ITGBL1: variants seen among roughly 807,000 people sequenced by gnomAD.
ITGBL1 encodes the protein integrin beta-like protein 1.
A neutral mutation model predicts 68.5 loss-of-function variants in ITGBL1; 51 were observed. The ratio of observed to expected loss-of-function variants is 0.74; its 90% CI spans 0.59 to 0.94. The LOEUF (loss-of-function observed/expected upper bound fraction) is 0.94. Ranked by LOEUF, ITGBL1 falls within the 40% of genes least tolerant of loss-of-function variation. The pLI is 0.00. For synonymous variants in ITGBL1, 209 were observed against 227.3 expected (o/e 0.92, Z 0.72); for missense variants, 649 against 647.4 (o/e 1.00, Z -0.03).
Position 101,555,319 on chromosome 13 carries a change from AAT to A in ITGBL1, c.317-12378_317-12377del, listed in dbSNP as rs138996460. 8.9e-3 allele frequency among the ~76,000 whole-genome samples: 1,356 copies of A among 152,314 alleles called. 16 individuals are homozygous for A. The highest frequency in any genetic ancestry group is 0.031 in the African/African-American group (1,284 of 41,568). ...TATGTTGTGCACATAAAATGTACAA[AAT>A]AACCATTTTTAAAGATAAAACAAAA... is the stretch of plus-strand genomic sequence containing the variant. On this transcript the variant is annotated intron_variant, in intron 2 of 10. Transcript: ENST00000376180.
chr13:101,547,942 T>G (rs9518440), intron 2 of ITGBL1, among the ~76,000 whole-genome samples: 1 of 151,336 alleles, frequency 6.6e-6, no homozygotes, highest in Non-Finnish European at 1.5e-5. Flanking sequence ...TATACACACA[T>G]GTATATACAC....
intron 5 of ITGBL1, among the ~76,000 whole-genome samples, chr13:101,580,117 AAG>A (rs1237150264): frequency 2.0e-5 from 3 of 152,172 alleles, no homozygotes; most frequent in Admixed American, 6.5e-5. Context: ...TGTAGTGATA[AAG>A]AGAGCCATAC....
intron 9 of ITGBL1, among the ~76,000 whole-genome samples, chr13:101,708,031 ACACAC>A (rs1338147573): frequency 7.8e-5 from 5 of 63,922 alleles, no homozygotes; most frequent in Non-Finnish European, 1.7e-4. Flanking sequence ...ATGCAAACAC[ACACAC>A]ACACACACAC....
At chr13:101,517,996 G>A (rs1014295213) in intron 2 of ITGBL1, among the ~76,000 whole-genome samples, 2 of 152,152 alleles carry the variant, frequency 1.3e-5, no homozygotes, top group African/African-American at 4.8e-5. Flanking sequence ...ATGGCATGAC[G>A]TGAGCTGGTG....
intron 5 of ITGBL1, among the ~76,000 whole-genome samples, chr13:101,581,975 A>C (rs2050465461): frequency 6.6e-6 from 1 of 152,150 alleles, no homozygotes; most frequent in African/African-American, 2.4e-5. Flanking sequence ...TTCTAAAATA[A>C]TTGCCAATCA....
chr13:101,667,479 A>AG (rs965699993), intron 7 of ITGBL1, among the ~76,000 whole-genome samples: 9 of 144,500 alleles, frequency 6.2e-5, no homozygotes, highest in South Asian at 2.1e-4. Context: ...TTTAACACTG[A>AG]GAAAAAAAAA....
At chr13:101,581,301 A>T (rs1380062453) in intron 5 of ITGBL1, among the ~76,000 whole-genome samples, 1 of 152,188 alleles carries the variant, frequency 6.6e-6, no homozygotes, top group African/African-American at 2.4e-5. Flanking sequence ...CCTCCTGACC[A>T]AACTCATTTA....
chr13:101,517,372 A>C (rs144255676), intron 2 of ITGBL1, among the ~76,000 whole-genome samples: 5 of 152,296 alleles, frequency 3.3e-5, no homozygotes, highest in African/African-American at 1.2e-4. Flanking sequence ...AAAATATAAA[A>C]TTTAACTTAG....
chr13:101,596,043 ATG>A (rs750907314), intron 6 of ITGBL1, among the ~76,000 whole-genome samples: 301 of 28,178 alleles, frequency 0.011, 1 homozygote, highest in African/African-American at 0.02. Context: ...ATATTTACAT[ATG>A]TGTGTGTGTG....
chr13:101,718,216 G>A (rs1317517038), downstream of ITGBL1: 1 of 152,078 alleles, frequency 6.6e-6, no homozygotes, highest in Non-Finnish European at 1.5e-5. Context: ...TGTCCACTAT[G>A]TTTGTGTGTA....
intron 2 of ITGBL1, among the ~76,000 whole-genome samples, chr13:101,542,384 C>T (rs2049724346): frequency 6.6e-6 from 1 of 152,142 alleles, no homozygotes; most frequent in South Asian, 2.1e-4. Context: ...GTTTCTTAAT[C>T]CTGAGTTCTA....
At chr13:101,458,768 A>T (rs1437957391) in intron 2 of ITGBL1, among the ~76,000 whole-genome samples, 1 of 152,188 alleles carries the variant, frequency 6.6e-6, no homozygotes, top group Non-Finnish European at 1.5e-5. Context: ...GTTATACTGT[A>T]TGTTAGTTGT....
At chr13:101,670,365 C>A (rs920381931) in intron 7 of ITGBL1, among the ~76,000 whole-genome samples, 2 of 152,058 alleles carry the variant, frequency 1.3e-5, no homozygotes, top group African/African-American at 4.8e-5. Flanking sequence ...GCAGGAGGTT[C>A]GTGTTTGTGT....
intron 7 of ITGBL1, among the ~76,000 whole-genome samples, chr13:101,606,174 T>TTATATATATATATATATATATATA (rs4000927): frequency 5.8e-5 from 8 of 138,038 alleles, no homozygotes; most frequent in African/African-American, 2.2e-4. Flanking sequence ...ATTAGGATTT[T>TTATATATATATATATATATATATA]TATATATATA....
chr13:101,479,780 T>G (rs1245642625), intron 2 of ITGBL1, among the ~76,000 whole-genome samples: 1 of 152,052 alleles, frequency 6.6e-6, no homozygotes, highest in Non-Finnish European at 1.5e-5. Flanking sequence ...CCAGTTAAAG[T>G]GGCTTTAATC....
At chr13:101,689,318 G>A (rs1468380377) in intron 7 of ITGBL1, among the ~76,000 whole-genome samples, 2 of 151,736 alleles carry the variant, frequency 1.3e-5, no homozygotes, top group Non-Finnish European at 2.9e-5. Context: ...CACAGATTTG[G>A]TGAAGTTTTC....
chr13:101,522,606 A>T (rs73570525), intron 2 of ITGBL1, among the ~76,000 whole-genome samples: 144 of 152,304 alleles, frequency 9.5e-4, no homozygotes, highest in African/African-American at 3.2e-3. Context: ...CTCTAAGAAA[A>T]ATTCGATGTG....
chr13:101,679,719 G>T (rs1348085261), intron 7 of ITGBL1, among the ~76,000 whole-genome samples: 1 of 152,124 alleles, frequency 6.6e-6, no homozygotes, highest in Admixed American at 6.5e-5. Flanking sequence ...TGGTGTTGTT[G>T]TAGAAGCCAT....
intron 7 of ITGBL1, among the ~76,000 whole-genome samples, chr13:101,669,012 A>G (rs903800189): frequency 6.6e-6 from 1 of 152,120 alleles, no homozygotes; most frequent in Non-Finnish European, 1.5e-5. Context: ...CTTACCTCCT[A>G]GGCTTTAACT....
Sources: allele counts gnomAD v4.1 joint callset (sites outside exome capture counted in the v4.1 genomes callset), GRCh38; gene constraint gnomAD v4.1.1; transcripts MANE v1.5; gene names NCBI Gene and HGNC (gene_info 2026-07-23, HGNC 2026-07-21).